CALN1: variants seen among roughly 807,000 people sequenced by gnomAD.
The protein encoded by CALN1 is calneuron 1, also known as calcium-binding protein 8.
In CALN1, 17 loss-of-function variants were observed where a neutral mutation model predicts 30.6. The observed-to-expected ratio is 0.56, with a 90% CI of 0.38 to 0.83. The LOEUF is 0.83. Ranked by LOEUF, CALN1 falls within the 40% of genes least tolerant of loss-of-function variation. The pLI, the probability that CALN1 is intolerant of heterozygous loss-of-function variation, is 0.00. For missense variants in CALN1, 291 were observed against 354.9 expected, an observed-to-expected ratio of 0.82 and a Z score of 1.45; for synonymous variants, 156 against 131.4, an observed-to-expected ratio of 1.19 and a Z score of -1.28.
intron 1 of CALN1, among the ~76,000 whole-genome samples, chr7:72,433,668 C>T (rs1808050482): frequency 6.6e-6 from 1 of 152,120 alleles, no homozygotes; most frequent in Non-Finnish European, 1.5e-5. Flanking sequence ...GGTGAATTTA[C>T]AATCTAGCTG....
intron 5 of CALN1, among the ~76,000 whole-genome samples, chr7:71,909,746 A>G (rs1794328635): frequency 6.6e-6 from 1 of 152,160 alleles, no homozygotes; most frequent in Non-Finnish European, 1.5e-5. Flanking sequence ...AATACTCTAT[A>G]GAACACTGTC....
rs562948578 is a variant in CALN1, at chr7:72,409,986, A to G, written c.-74+2072T>C. Among the ~76,000 whole-genome samples, 172 of 152,282 alleles carry G rather than the reference A, an allele frequency of 1.1e-3. 1 individual carries two copies. Among genetic ancestry groups the G allele is most frequent in the African/African-American group, 3.7e-3 (155 of 41,562 alleles). On this transcript the variant is annotated intron_variant, in intron 1 of 6. Coordinates refer to ENST00000395275, the MANE Select transcript of CALN1 (RefSeq NM_031468.4). ...TTCCTCTAAAACCCTGCAAAGATGC[A>G]CCACATTTAACCCACAAAAAGAATT...
intron 5 of CALN1, among the ~76,000 whole-genome samples, chr7:71,897,554 T>C (rs1017406171): frequency 3.9e-5 from 6 of 152,128 alleles, no homozygotes; most frequent in African/African-American, 1.4e-4. Context: ...GGAAGATAAT[T>C]GTGACTGCTC....
intron 2 of CALN1, among the ~76,000 whole-genome samples, chr7:72,329,591 T>G (rs1801522610): frequency 6.6e-6 from 1 of 152,228 alleles, no homozygotes; most frequent in African/African-American, 2.4e-5. Flanking sequence ...CTGGAAGTTC[T>G]TCCGCAGATA....
chr7:72,082,185 C>T (rs1805190503), intron 4 of CALN1, among the ~76,000 whole-genome samples: 1 of 152,132 alleles, frequency 6.6e-6, no homozygotes, highest in African/African-American at 2.4e-5. Flanking sequence ...AGGGTTTCAC[C>T]ACGTTGGTCA....
intron 2 of CALN1, among the ~76,000 whole-genome samples, chr7:72,327,569 T>C (rs540316250): frequency 8.5e-4 from 130 of 152,328 alleles, no homozygotes; most frequent in Non-Finnish European, 1.4e-3. Flanking sequence ...TTGTAACAAA[T>C]ATGACACCAA....
chr7:72,450,612 G>T (rs1241150908), upstream of CALN1, among the ~76,000 whole-genome samples: 2 of 152,174 alleles, frequency 1.3e-5, no homozygotes, highest in Admixed American at 6.5e-5. Context: ...AGGCATGGTG[G>T]ATCACGCCTG....
At chr7:72,314,412 T>C (rs1193055303) in intron 2 of CALN1, among the ~76,000 whole-genome samples, 4 of 151,316 alleles carry the variant, frequency 2.6e-5, no homozygotes, top group East Asian at 1.9e-4. Flanking sequence ...TATACACATA[T>C]ATATACACAC....
chr7:72,332,767 C>A (rs1222801393), intron 2 of CALN1, among the ~76,000 whole-genome samples: 1 of 152,010 alleles, frequency 6.6e-6, no homozygotes, highest in Non-Finnish European at 1.5e-5. Context: ...TGCTTGCAAC[C>A]CAAGGATCCT....
the CALN1 span, among the ~76,000 whole-genome samples, chr7:72,491,674 A>G: frequency 1.3e-5 from 2 of 152,304 alleles, no homozygotes; most frequent in South Asian, 2.1e-4. Flanking sequence ...GTGTGCAAAT[A>G]AAGCCCATTT....
chr7:72,256,326 G>A (rs988100068), intron 3 of CALN1, among the ~76,000 whole-genome samples: 10 of 152,062 alleles, frequency 6.6e-5, no homozygotes, highest in African/African-American at 2.4e-4. Flanking sequence ...CGGGTGTTGT[G>A]ACATGGGCCT....
At chr7:72,364,945 G>C (rs1043150095) in intron 2 of CALN1, among the ~76,000 whole-genome samples, 1 of 151,250 alleles carries the variant, frequency 6.6e-6, no homozygotes, top group Non-Finnish European at 1.5e-5. Context: ...CAAGGCAGGC[G>C]GATCACCTGA....
chr7:72,380,554 T>C (rs1804826705), intron 2 of CALN1, among the ~76,000 whole-genome samples: 1 of 152,118 alleles, frequency 6.6e-6, no homozygotes, highest in Non-Finnish European at 1.5e-5. Flanking sequence ...GCCCATGACT[T>C]CTCATTTACC....
rs528531425 is a variant in CALN1, at chr7:72,094,570, T to C, written c.388+11581A>G. Among the ~76,000 whole-genome samples the C allele has an allele frequency of 6.6e-5, 10 of 152,194 alleles. No individual in the cohort carries two copies. The South Asian group carries it at 1.7e-3, about 25-fold the overall frequency. ...TGCCTGGCCCAGAATTTTTTTTTAA[T>C]ATATTGGCTTGAATAGCTAGAAGGG... On this transcript the variant is annotated intron_variant, in intron 4 of 6. Transcript: ENST00000395275.
In CALN1 at chr7:71,800,947, T is replaced by C. The variant is rs920404394; in HGVS notation, c.658+9389A>G. ...TTCAGCCCCGCATGCATTAGCTATT[T>C]ATCCTGATGCTCTCCCTCCCATTGC... On this transcript the variant is annotated intron_variant, in intron 6 of 6. Coordinates refer to ENST00000395275, the MANE Select transcript of CALN1 (RefSeq NM_031468.4). Among the ~76,000 whole-genome samples the C allele has an allele frequency of 1.6e-4, 25 of 152,246 alleles. 1 individual carries two copies. The Middle Eastern group carries it at 0.01, about 62-fold the overall frequency.
intron 4 of CALN1, among the ~76,000 whole-genome samples, chr7:72,035,526 A>T (rs1011026397): frequency 2.6e-5 from 4 of 151,234 alleles, no homozygotes; most frequent in Non-Finnish European, 5.9e-5. Context: ...TTGGTTCCTC[A>T]TTTTCTGCAT....
intron 4 of CALN1, among the ~76,000 whole-genome samples, chr7:72,100,544 C>A (rs1370524106): frequency 6.6e-6 from 1 of 152,014 alleles, no homozygotes; most frequent in Admixed American, 6.6e-5. Context: ...CTGAGCCGGG[C>A]GCAGTGGCTC....
intron 1 of CALN1, among the ~76,000 whole-genome samples, chr7:72,424,311 C>G (rs1199333725): frequency 6.6e-6 from 1 of 152,136 alleles, no homozygotes; most frequent in Non-Finnish European, 1.5e-5. Context: ...CAGTTACTTA[C>G]AATACAGTCC....
intron 4 of CALN1, among the ~76,000 whole-genome samples, chr7:72,084,214 GCAAAACAAAA>G (rs965020206): frequency 2.0e-5 from 3 of 151,772 alleles, no homozygotes; most frequent in Non-Finnish European, 4.4e-5. Context: ...ATCTCAAAAA[GCAAAACAAAA>G]CAAAACAAAA....
Sources: gnomAD v4.1 joint callset for allele counts (sites outside exome capture counted in the v4.1 genomes callset) on GRCh38, gnomAD v4.1.1 for gene constraint, MANE v1.5 for transcripts, NCBI Gene and HGNC (gene_info 2026-07-23, HGNC 2026-07-21) for gene names.